The following CIRSR variants were observed in gnomAD, a reference collection of about 807,000 sequenced individuals.
CIRSR encodes the protein corepressor of RBPJ and splicing regulator.
chr2:174,349,564 TAAAAAAAAA>T, the CIRSR span, among the ~76,000 whole-genome samples: 2 of 105,128 alleles, frequency 1.9e-5, no homozygotes, highest in Admixed American at 1.1e-4. Flanking sequence ...GACTCTGTCT[TAAAAAAAAA>T]AAAAAAAAAA....
chr2:174,349,610 G>A, the CIRSR span, among the ~76,000 whole-genome samples: 1 of 146,074 alleles, frequency 6.8e-6, no homozygotes, highest in African/African-American at 2.5e-5. Context: ...ATATATGAAC[G>A]CATTGTTTAC....
At chr2:174,353,996 G>C in the CIRSR span, among the ~76,000 whole-genome samples, 1 of 152,076 alleles carries the variant, frequency 6.6e-6, no homozygotes, top group Non-Finnish European at 1.5e-5. Context: ...ATCATGATGA[G>C]AGGTTATACT....
chr2:174,378,941 C>A, the CIRSR span: 1 of 1,612,454 alleles, frequency 6.2e-7, no homozygotes, highest in Non-Finnish European at 8.5e-7. Context: ...TCAGTGGGAA[C>A]CGAACTTGCA....
the CIRSR span, chr2:174,380,597 G>A: frequency 6.8e-7 from 1 of 1,474,554 alleles, no homozygotes. Flanking sequence ...TGGGATATCA[G>A]TAAATGTAAA....
the CIRSR span, among the ~76,000 whole-genome samples, chr2:174,379,716 C>CTTTTT: frequency 4.7e-3 from 390 of 83,728 alleles, no homozygotes; most frequent in Non-Finnish European, 5.2e-3. Context: ...TGATTCCTGT[C>CTTTTT]TTTTTTTTTT....
chr2:174,390,996 C>T, the CIRSR span, among the ~76,000 whole-genome samples: 1 of 152,208 alleles, frequency 6.6e-6, no homozygotes, highest in African/African-American at 2.4e-5. Context: ...AGCATGAGAA[C>T]AGACTAATAC....
chr2:174,352,228 T>TACACAC, the CIRSR span, among the ~76,000 whole-genome samples: 1 of 136,580 alleles, frequency 7.3e-6, no homozygotes, highest in African/African-American at 3.0e-5. Flanking sequence ...CACACACACA[T>TACACAC]ACACACACAC....
the CIRSR span, among the ~76,000 whole-genome samples, chr2:174,363,345 A>G: frequency 1.3e-5 from 2 of 152,192 alleles, no homozygotes; most frequent in African/African-American, 4.8e-5. Context: ...TGGGAAAGCT[A>G]AAGATAAGAG....
chr2:174,348,941 G>A, the CIRSR span: 2 of 1,612,872 alleles, frequency 1.2e-6, no homozygotes, highest in South Asian at 1.1e-5. Context: ...AATCACTGTT[G>A]TTATGCCCTG....
chr2:174,348,593 A>G, the CIRSR span: 7 of 1,613,412 alleles, frequency 4.3e-6, no homozygotes, highest in Non-Finnish European at 5.9e-6. Context: ...TTCTGCTGTC[A>G]TTTCTTCTGC....
At chr2:174,361,121 T>C in the CIRSR span, among the ~76,000 whole-genome samples, 1 of 152,352 alleles carries the variant, frequency 6.6e-6, no homozygotes, top group South Asian at 2.1e-4. Context: ...AGAGTTGAAA[T>C]GGTGCCTAAC....
At chr2:174,370,069 T>G in the CIRSR span, 1 of 1,350,622 alleles carries the variant, frequency 7.4e-7, no homozygotes, top group Middle Eastern at 2.1e-4. Flanking sequence ...TGCATTAGAG[T>G]TTCAGGGCTG....
the CIRSR span, among the ~76,000 whole-genome samples, chr2:174,390,793 A>C: frequency 6.6e-6 from 1 of 152,146 alleles, no homozygotes; most frequent in Non-Finnish European, 1.5e-5. Flanking sequence ...TTGATGGATA[A>C]AACCATCAGA....
the CIRSR span, among the ~76,000 whole-genome samples, chr2:174,367,037 C>CA: frequency 6.6e-6 from 1 of 151,658 alleles, no homozygotes. Context: ...AACTAAGAGA[C>CA]AAAAAAAGGA....
the CIRSR span, among the ~76,000 whole-genome samples, chr2:174,386,835 A>G: frequency 6.6e-6 from 1 of 152,202 alleles, no homozygotes; most frequent in Non-Finnish European, 1.5e-5. Context: ...GTATTTTTAA[A>G]AGCAGTGTAT....
the CIRSR span, among the ~76,000 whole-genome samples, chr2:174,384,092 C>A: frequency 6.6e-6 from 1 of 152,130 alleles, no homozygotes; most frequent in South Asian, 2.1e-4. Context: ...TTTATAGCAG[C>A]ATTATTCACA....
chr2:174,372,717 G>C, the CIRSR span, among the ~76,000 whole-genome samples: 2 of 151,966 alleles, frequency 1.3e-5, no homozygotes, highest in Non-Finnish European at 1.5e-5. Flanking sequence ...TGAGTGGCTG[G>C]GATTACAGGC....
At chr2:174,365,885 C>T in the CIRSR span, among the ~76,000 whole-genome samples, 3 of 152,060 alleles carry the variant, frequency 2.0e-5, no homozygotes, top group Admixed American at 6.6e-5. Context: ...AGCATCAGAA[C>T]CAGACTTAGA....
chr2:174,380,452 TA>T, the CIRSR span, among the ~76,000 whole-genome samples: 1 of 152,008 alleles, frequency 6.6e-6, no homozygotes, highest in Non-Finnish European at 1.5e-5. Flanking sequence ...TTTGTGATAT[TA>T]AAAAAATGAA....
Sources: gnomAD v4.1 joint callset for allele counts (sites outside exome capture counted in the v4.1 genomes callset) on GRCh38, gnomAD v4.1.1 for gene constraint, MANE v1.5 for transcripts, NCBI Gene and HGNC (gene_info 2026-07-23, HGNC 2026-07-21) for gene names.